CENPF: variants seen among roughly 807,000 people sequenced by gnomAD.
CENPF encodes centromere protein F.
In CENPF, 214 loss-of-function variants were observed where a neutral mutation model predicts 307.3. That is an observed-to-expected ratio of 0.70 (90% CI 0.62 to 0.78). The LOEUF is 0.78. CENPF is among the 30% of genes least tolerant of loss of function. The pLI, the probability that CENPF is intolerant of heterozygous loss-of-function variation, is 0.00. For missense variants in CENPF, 3,401 were observed against 3,483.9 expected, an observed-to-expected ratio of 0.98 and a Z score of 0.60; for synonymous variants, 1,259 against 1,270.6, an observed-to-expected ratio of 0.99 and a Z score of 0.19.
intron 19 of CENPF, among the ~76,000 whole-genome samples, chr1:214,661,741 G>C (rs1658791931): frequency 6.6e-6 from 1 of 152,170 alleles, no homozygotes. Context: ...ATCGTGGATG[G>C]TGGTGTTAGT....
At position 214,641,210 on chromosome 1, in the gene CENPF, A is replaced by G. The variant is rs1484005803; in HGVS notation, c.2872A>G (p.Met958Val). The G allele has an allele frequency of 6.2e-7, 1 of 1,609,254 alleles. No individual in the cohort carries two copies. Among genetic ancestry groups the G allele is most frequent in the Non-Finnish European group, 8.5e-7 (1 of 1,178,786 alleles). ...SETLSLEKKE[M>V]SSIISLNKRE... is the part of the protein sequence containing the mutation. Reference sequence around the variant, plus strand: ...AACCCTAAGCTTGGAGAAGAAAGAAATGAGTTCCATCATTTCTCTAAATAA... The same window carrying G: ...AACCCTAAGCTTGGAGAAGAAAGAAGTGAGTTCCATCATTTCTCTAAATAA... Residue 958 changes from methionine to valine, a missense_variant, in exon 12 of 20, where the codon ATG (methionine) becomes GTG (valine). Physicochemically the swap from Met to Val is conservative, Grantham distance 21 (BLOSUM62 1). Transcript: ENST00000366955.
rs989042951 is a variant in CENPF, at chr1:214,606,298, C to T, written c.-42+2977C>T. On this transcript the variant is annotated intron_variant, in intron 1 of 19. Transcript: ENST00000366955. The stretch of plus-strand genomic sequence containing the variant: ...CCAGCGGCCCCACCCCGTTCCCTGG[C>T]GCTGCCGTTCCCTGGCGTTTCCTAG... Among the ~76,000 whole-genome samples the T allele has an allele frequency of 2.3e-5, 3 of 127,904 alleles. No individual in the cohort carries two copies. The East Asian group carries it at 8.0e-4, about 34-fold the overall frequency. 83.9% of individuals were successfully genotyped at this position (127,904 alleles called of 152,430 possible).
intron 11 of CENPF, 30 bp downstream of exon 11, chr1:214,638,031 T>C (rs757599024): frequency 9.5e-6 from 15 of 1,584,446 alleles, no homozygotes; most frequent in African/African-American, 1.4e-5. Context: ...TAGAGTTACC[T>C]TTCTAAGCTG....
intron 11 of CENPF, 123 bp downstream of exon 11, chr1:214,638,124 T>C (rs1658012734): frequency 1.0e-6 from 1 of 994,048 alleles, no homozygotes; most frequent in Admixed American, 3.3e-5. Context: ...CTCAAAAAGA[T>C]GTGCGCAGTT....
At chr1:214,605,541 A>G (rs1361418445) in intron 1 of CENPF, 2 of 639,582 alleles carry the variant, frequency 3.1e-6, no homozygotes, top group Admixed American at 2.9e-5. Flanking sequence ...TTGCCTGTAC[A>G]TCGTCCACAG....
At position 214,622,065 on chromosome 1, in the gene CENPF, G is replaced by T. The variant is rs757929899; in HGVS notation, c.866-14G>T. On this transcript the variant is annotated splice_polypyrimidine_tract_variant and intron_variant, in intron 6 of 19. Coordinates refer to ENST00000366955, the MANE Select transcript of CENPF (RefSeq NM_016343.4). ...ATATATGAATTGGAGTGTGATTTTT[G>T]TTTGTGGTTCAAGAGCTAAGAAACA... The T allele has an allele frequency of 6.2e-7, 1 of 1,602,430 alleles. No individual in the cohort carries two copies. The highest frequency in any genetic ancestry group is 8.5e-7 in the Non-Finnish European group (1 of 1,174,256).
chr1:214,646,117 G>C lies in CENPF; in HGVS notation c.6547G>C (p.Glu2183Gln), dbSNP rs777971612. The C allele has an allele frequency of 6.2e-7, 1 of 1,614,056 alleles. No homozygotes were observed. The highest frequency in any genetic ancestry group is 8.5e-7 in the Non-Finnish European group (1 of 1,180,044). ...VILDAENSKA[E>Q]VETLKTQIEE... is the part of the protein sequence containing the mutation. The stretch of plus-strand genomic sequence containing the variant: ...TCTTGATGCCGAGAATTCCAAAGCA[G>C]AAGTAGAGACTCTAAAAACACAAAT... The change falls in exon 13 of 20, where the codon GAA becomes CAA. Residue 2183 changes from glutamate to glutamine, a missense_variant. By Grantham distance (29) the Glu-to-Gln change is conservative. Transcript: ENST00000366955.
intron 1 of CENPF, among the ~76,000 whole-genome samples, chr1:214,608,011 G>T (rs1381625301): frequency 1.3e-5 from 2 of 152,152 alleles, no homozygotes; most frequent in African/African-American, 4.8e-5. Context: ...ACTCCCTCCC[G>T]CCGGGTGGCA....
At position 214,638,088 on chromosome 1, in the gene CENPF, T is replaced by G; in HGVS notation, c.1582+87T>G. 4 of 1,329,998 alleles carry G rather than the reference T, an allele frequency of 3.0e-6. No individual in the cohort carries two copies. The South Asian group carries it at 6.2e-5, about 21-fold the overall frequency. 82.4% of individuals were successfully genotyped at this position (1,329,998 alleles called of 1,614,324 possible). On this transcript the variant is annotated intron_variant, in intron 11 of 19. Coordinates refer to ENST00000366955, the MANE Select transcript of CENPF (RefSeq NM_016343.4). ...GATGGCATTAACATATTAGAGAAAC[T>G]CTTTGGATTTTTTTTCATATATTCC...
intron 14 of CENPF, among the ~76,000 whole-genome samples, chr1:214,650,203 T>G (rs11801893): frequency 0.22 from 32,767 of 151,906 alleles, 5,938 homozygotes; most frequent in African/African-American, 0.49. Context: ...CAGGCAGTGG[T>G]GGGGAGCCTT....
intron 7 of CENPF, among the ~76,000 whole-genome samples, chr1:214,622,941 T>C (rs75434015): frequency 0.089 from 13,087 of 146,890 alleles, 1,090 homozygotes; most frequent in African/African-American, 0.16. Context: ...GCCGGGCACC[T>C]GTGGTTTACA....
chr1:214,629,506 T>C (rs1312908319), intron 8 of CENPF, among the ~76,000 whole-genome samples: 1 of 152,134 alleles, frequency 6.6e-6, no homozygotes, highest in Non-Finnish European at 1.5e-5. Context: ...CATTTTCCAG[T>C]AGGCTTTTAA....
chr1:214,659,369 T>A lies in CENPF; in HGVS notation c.9141+341T>A, dbSNP rs573053527. Among the ~76,000 whole-genome samples the A allele has an allele frequency of 6.6e-6, 1 of 152,284 alleles. No individual in the cohort carries two copies. Among genetic ancestry groups the A allele is most frequent in the South Asian group, 2.1e-4 (1 of 4,828 alleles). On this transcript the variant is annotated intron_variant, in intron 19 of 19. Coordinates refer to ENST00000366955, the MANE Select transcript of CENPF (RefSeq NM_016343.4). The surrounding 1 kb of genome is among the most constrained non-coding windows in gnomAD (Gnocchi z 4.4). ...CTTTCGCCACTGGTATTAGTCATTG[T>A]TTGTTTCAAACTTTACTCTCACTTA...
chr1:214,628,604 C>T (rs1354948338), intron 7 of CENPF, among the ~76,000 whole-genome samples: 1 of 152,176 alleles, frequency 6.6e-6, no homozygotes, highest in Non-Finnish European at 1.5e-5. Context: ...GCCACCACAC[C>T]CGGCTAATTT....
rs1658292601 is a variant in CENPF at position 214,646,121 on chromosome 1, T to TAGAGACTCTAAAAACACAAATAGA, written c.6557_6580dup (p.Thr2186_Glu2193dup). The stretch of plus-strand genomic sequence containing the variant: ...GATGCCGAGAATTCCAAAGCAGAAG[T>TAGAGACTCTAAAAACACAAATAGA]AGAGACTCTAAAAACACAAATAGAA... On this transcript the variant is annotated inframe_insertion, in exon 13 of 20. Transcript: ENST00000366955. 6.2e-7 allele frequency: 1 copy of TAGAGACTCTAAAAACACAAATAGA among 1,613,778 alleles called. No homozygotes were observed. The highest frequency in any genetic ancestry group is 1.3e-5 in the African/African-American group (1 of 74,854).
rs35011701 is a variant in CENPF, at chr1:214,652,068, AT to A, written c.8160+200del. Among the ~76,000 whole-genome samples, 40,830 of 126,752 alleles carry A rather than the reference AT, an allele frequency of 0.32. 5,971 individuals are homozygous for A. The highest frequency in any genetic ancestry group is 0.43 in the Non-Finnish European group (25,891 of 60,044). 83.2% of individuals were successfully genotyped at this position (126,752 alleles called of 152,430 possible). Reference sequence around the variant, plus strand: ...GGTCCCTCTCTTATTTTATCAGTTGATTTTTTTTTTTTTTTTTTGAGATGGG... The same window carrying A: ...GGTCCCTCTCTTATTTTATCAGTTGATTTTTTTTTTTTTTTTTGAGATGGG... On this transcript the variant is annotated intron_variant, in intron 15 of 19. Transcript: ENST00000366955.
In CENPF at chr1:214,644,971, C is replaced by T. The variant is rs769713514; in HGVS notation, c.5401C>T (p.Leu1801=). The change falls in exon 13 of 20, where the codon CTA becomes TTA. Residue 1801 remains leucine (L), a synonymous_variant. Transcript: ENST00000366955. ...CCGTGACAGAAAAGTTGAAAGTTTG[C>T]TAAATGAAATGAAAGAATTAGACTC... ...EDRDRKVESL[L]NEMKELDSKL... 5 of 1,612,476 alleles carry T rather than the reference C, an allele frequency of 3.1e-6. No individual in the cohort carries two copies. In the South Asian group the frequency reaches 3.3e-5, roughly 11 times the overall value.
Position 214,636,087 on chromosome 1 carries a change from C to T in CENPF, c.1447-1779C>T, listed in dbSNP as rs149436675. 1.4e-3 allele frequency among the ~76,000 whole-genome samples: 208 copies of T among 152,196 alleles called. 2 individuals carry two copies. The highest frequency in any genetic ancestry group is 4.8e-3 in the African/African-American group (201 of 41,526). ...ATTCTAGTTCCTCTTCTATGTTGAC[C>T]TCATTCAGCTGATCTTAGCATTGAT... On this transcript the variant is annotated intron_variant, in intron 10 of 19. Transcript: ENST00000366955.
chr1:214,647,894 G>C, intron 13 of CENPF: 1 of 423,768 alleles, frequency 2.4e-6, no homozygotes, highest in South Asian at 1.7e-5. Flanking sequence ...ATGGCTTCTA[G>C]GGTGTGTTTT....
Sources: allele counts gnomAD v4.1 joint callset (sites outside exome capture counted in the v4.1 genomes callset), GRCh38; gene constraint gnomAD v4.1.1; non-coding constraint Gnocchi (gnomAD v3.1); transcripts MANE v1.5; gene names NCBI Gene and HGNC (gene_info 2026-07-23, HGNC 2026-07-21).